ZNF841: variants seen among roughly 807,000 people sequenced by gnomAD.
ZNF841 encodes zinc finger protein 841.
ZNF841 carries 11 observed loss-of-function variants against 13.0 expected under a neutral mutation model. The observed-to-expected ratio is 0.85, with a 90% CI of 0.53 to 1.40. The LOEUF (loss-of-function observed/expected upper bound fraction) is 1.40. Among genes scored for constraint, ZNF841 ranks in the 40% most tolerant of loss-of-function variants. The pLI is 0.00. For missense variants in ZNF841, 1,068 were observed against 1,139.5 expected (o/e 0.94, Z 0.90); for synonymous variants, 369 against 381.6 (o/e 0.97, Z 0.38).
chr19:52,074,380 A>G (rs2087830047), intron 6 of ZNF841, among the ~76,000 whole-genome samples: 1 of 152,188 alleles, frequency 6.6e-6, no homozygotes. Context: ...GCCTCATTCA[A>G]CTTCATTAGC....
intron 4 of ZNF841, among the ~76,000 whole-genome samples, chr19:52,080,400 G>A: frequency 6.6e-6 from 1 of 152,126 alleles, no homozygotes; most frequent in African/African-American, 2.4e-5. Context: ...AGGAAAATTT[G>A]AAGCATCCAC....
chr19:52,084,890 A>C lies in ZNF841; in HGVS notation c.-77-12T>G. Reference sequence around the variant, plus strand: ...TTTAAAAGTCAAATCTGAAAGTCAAAAATATGTTGTTTAATCCTTGGAAAC... The same window carrying C: ...TTTAAAAGTCAAATCTGAAAGTCAACAATATGTTGTTTAATCCTTGGAAAC... On this transcript the variant is annotated splice_polypyrimidine_tract_variant and intron_variant, in intron 3 of 6. Coordinates refer to ENST00000594440, the MANE Select transcript of ZNF841 (RefSeq NM_001136499.2). 7.2e-7 allele frequency: 1 copy of C among 1,397,956 alleles called. No individual in the cohort carries two copies. Among genetic ancestry groups the C allele is most frequent in the Non-Finnish European group, 9.8e-7 (1 of 1,020,382 alleles). 86.6% of individuals were successfully genotyped at this position (1,397,956 alleles called of 1,614,324 possible). A position where few individuals can be genotyped will look rare whatever the true frequency, so the allele number is the denominator to read the frequency against.
intron 2 of ZNF841, among the ~76,000 whole-genome samples, chr19:52,090,830 T>C (rs2088472667): frequency 6.6e-6 from 1 of 152,084 alleles, no homozygotes; most frequent in Admixed American, 6.6e-5. Flanking sequence ...GAATGCAGGA[T>C]GTGGGCAAAC....
downstream of ZNF841, chr19:52,064,351 T>TC (rs1332216014): frequency 5.3e-5 from 1 of 18,762 alleles, no homozygotes; most frequent in Non-Finnish European, 8.6e-5. Context: ...AGACTCCGTC[T>TC]CCAAAAAAAA....
intron 2 of ZNF841, among the ~76,000 whole-genome samples, chr19:52,091,504 A>G (rs2088495514): frequency 6.6e-6 from 1 of 152,214 alleles, no homozygotes; most frequent in Non-Finnish European, 1.5e-5. Flanking sequence ...ACAGAGAACA[A>G]TCAAACACAA....
rs2087568741 is a variant in ZNF841, at chr19:52,066,518, G to A, written c.1364C>T (p.Thr455Ile). ...VRHQIIHTGE[T>I]PYKCNECGKV... Reference sequence around the variant, plus strand: ...GCCACATTCATTACATTTGTAAGGTGTCTCTCCAGTATGAATTATCTGGTG... The same window carrying A: ...GCCACATTCATTACATTTGTAAGGTATCTCTCCAGTATGAATTATCTGGTG... Residue 455 changes from threonine (T) to isoleucine (I), a missense_variant, in exon 7 of 7, where the codon ACA (threonine) becomes ATA (isoleucine). By Grantham distance (89) the Thr-to-Ile change is moderately conservative. Transcript: ENST00000594440. The A allele has an allele frequency of 6.2e-7, 1 of 1,612,672 alleles. No individual in the cohort carries two copies. Among genetic ancestry groups the A allele is most frequent in the African/African-American group, 1.3e-5 (1 of 74,544 alleles).
At chr19:52,084,294 T>C (rs1464202625) in intron 4 of ZNF841, among the ~76,000 whole-genome samples, 1 of 152,180 alleles carries the variant, frequency 6.6e-6, no homozygotes, top group South Asian at 2.1e-4. Flanking sequence ...GTCATTAAGA[T>C]TGTGGAGTTA....
chr19:52,066,829 G>C lies in ZNF841; in HGVS notation c.1053C>G (p.Gly351=), dbSNP rs1380511912. 1 of 1,614,122 alleles carries C rather than the reference G, an allele frequency of 6.2e-7. No individual in the cohort carries two copies. The highest frequency in any genetic ancestry group is 8.5e-7 in the Non-Finnish European group (1 of 1,180,020). ...GDKPYICNEC[G]KSFSKSSHLA... is the part of the protein sequence containing the mutation. ...GGTGGGAACTTTTACTAAAGGACTT[G>C]CCACATTCATTACATATGTAGGGTT... Residue 351 remains glycine, a synonymous_variant, in exon 7 of 7, where the codon GGC becomes GGG. Coordinates refer to ENST00000594440, the MANE Select transcript of ZNF841 (RefSeq NM_001136499.2).
At chr19:52,092,064 C>T (rs1353891347) in intron 2 of ZNF841, among the ~76,000 whole-genome samples, 5 of 151,392 alleles carry the variant, frequency 3.3e-5, no homozygotes, top group Non-Finnish European at 7.4e-5. Context: ...ATCATTTGAA[C>T]TCGGAAGGCA....
chr19:52,066,681 A>G lies in ZNF841; in HGVS notation c.1201T>C (p.Tyr401His), dbSNP rs745933415. The G allele has an allele frequency of 6.2e-7, 1 of 1,612,178 alleles. No homozygotes were observed. Among genetic ancestry groups the G allele is most frequent in the Non-Finnish European group, 8.5e-7 (1 of 1,178,982 alleles). Residue 401 changes from tyrosine (Y) to histidine (H), a missense_variant, in exon 7 of 7, where the codon TAC (tyrosine) becomes CAC (histidine). Transcript: ENST00000594440. ...HQTVHTGDKPYKCNECGKTFK... is the reference protein window; with the variant it reads ...HQTVHTGDKPHKCNECGKTFK... Reference sequence around the variant, plus strand: ...GTTTTGCCACATTCATTACATTTGTAGGGTTTGTCTCCAGTATGAACTGTC... The same window carrying G: ...GTTTTGCCACATTCATTACATTTGTGGGGTTTGTCTCCAGTATGAACTGTC...
In ZNF841 at chr19:52,065,712, G is replaced by C. The variant is rs1243959860; in HGVS notation, c.2170C>G (p.Leu724Val). The part of the protein sequence containing the change: ...CGRTFSHKTS[L>V]VYHQRRHTGE... ...GTATGTCTTCTCTGATGGTACACCA[G>C]ACTTGTTTTATGACTAAAAGTTCTA... Residue 724 changes from leucine (L) to valine (V), a missense_variant, in exon 7 of 7, where the codon CTG (leucine) becomes GTG (valine). Coordinates refer to ENST00000594440, the MANE Select transcript of ZNF841 (RefSeq NM_001136499.2). 1 of 1,603,920 alleles carries C rather than the reference G, an allele frequency of 6.2e-7. No individual in the cohort carries two copies. Among genetic ancestry groups the C allele is most frequent in the African/African-American group, 1.3e-5 (1 of 74,742 alleles).
At chr19:52,073,551 C>T (rs565807499) in intron 6 of ZNF841, among the ~76,000 whole-genome samples, 125 of 152,202 alleles carry the variant, frequency 8.2e-4, no homozygotes, top group African/African-American at 2.8e-3. Flanking sequence ...CAAAATGATC[C>T]GCCTGCCTCA....
At chr19:52,077,584 A>C (rs531364929) in intron 4 of ZNF841, among the ~76,000 whole-genome samples, 347 of 152,350 alleles carry the variant, frequency 2.3e-3, no homozygotes, top group African/African-American at 8.2e-3. Context: ...TATGACAGAA[A>C]TATTTCTTCC....
chr19:52,092,523 C>G (rs1452487462), intron 2 of ZNF841, among the ~76,000 whole-genome samples: 1 of 152,138 alleles, frequency 6.6e-6, no homozygotes, highest in African/African-American at 2.4e-5. Context: ...GAAAAATGAG[C>G]CCTTGTACAC....
At chr19:52,064,384 A>C (rs954916947), downstream of ZNF841, 11 of 148,326 alleles carry the variant, frequency 7.4e-5, no homozygotes, top group African/African-American at 1.5e-4. Context: ...AAAAAAAAAA[A>C]AAAAACTTAG....
At chr19:52,094,500 C>T (rs1462127596) in intron 1 of ZNF841, among the ~76,000 whole-genome samples, 1 of 152,084 alleles carries the variant, frequency 6.6e-6, no homozygotes, top group Non-Finnish European at 1.5e-5. Flanking sequence ...CCTCTCGTAG[C>T]TCTTTCTCCC....
intron 4 of ZNF841, among the ~76,000 whole-genome samples, chr19:52,078,087 C>T (rs993581086): frequency 2.6e-5 from 4 of 152,064 alleles, no homozygotes; most frequent in Non-Finnish European, 5.9e-5. Flanking sequence ...GTCAAGAGAT[C>T]GAGATCATCC....
downstream of ZNF841, among the ~76,000 whole-genome samples, chr19:52,062,180 C>T (rs972938869): frequency 4.6e-5 from 7 of 152,158 alleles, no homozygotes; most frequent in Non-Finnish European, 5.9e-5. Context: ...TACTATTGCA[C>T]TCCAGCCTGG....
intron 4 of ZNF841, among the ~76,000 whole-genome samples, chr19:52,078,150 C>G (rs1406182190): frequency 6.6e-6 from 1 of 151,822 alleles, no homozygotes; most frequent in Non-Finnish European, 1.5e-5. Context: ...ATTAGCTGGG[C>G]GTGGTGGTGT....
Sources: gnomAD v4.1 joint callset for allele counts (sites outside exome capture counted in the v4.1 genomes callset) on GRCh38, gnomAD v4.1.1 for gene constraint, MANE v1.5 for transcripts, NCBI Gene and HGNC (gene_info 2026-07-23, HGNC 2026-07-21) for gene names.